Variants in ANK3 observed in about 807,000 individuals in gnomAD.
The protein encoded by ANK3 is ankyrin-3.
ANK3 carries 57 observed loss-of-function variants against 370.9 expected under a neutral mutation model. That is an observed-to-expected ratio of 0.15 (90% confidence interval 0.12 to 0.19). The LOEUF is 0.19. Ranked by LOEUF, ANK3 falls within the 10% of genes least tolerant of loss-of-function variation. ANK3 has a pLI of 1.00. For missense variants in ANK3, 4,439 were observed against 5,302.1 expected, an observed-to-expected ratio of 0.84 and a Z score of 5.06; for synonymous variants, 1,929 against 1,946.3, an observed-to-expected ratio of 0.99 and a Z score of 0.23.
intron 1 of ANK3, among the ~76,000 whole-genome samples, chr10:60,376,438 A>T (rs879270661): frequency 1.3e-5 from 2 of 151,300 alleles, no homozygotes; most frequent in Non-Finnish European, 3.0e-5. Flanking sequence ...TCAGATGCCA[A>T]ATGGATGGCT....
chr10:60,673,649 G>C (rs2079089500), intron 1 of ANK3, among the ~76,000 whole-genome samples: 1 of 152,186 alleles, frequency 6.6e-6, no homozygotes, highest in African/African-American at 2.4e-5. Flanking sequence ...ACCACGCCCA[G>C]CCATCAGACA....
At chr10:60,143,484 C>A (rs2094662766) in intron 23 of ANK3, among the ~76,000 whole-genome samples, 1 of 152,160 alleles carries the variant, frequency 6.6e-6, no homozygotes, top group South Asian at 2.1e-4. Context: ...CATTTTATAT[C>A]AGATATATTT....
chr10:60,514,147 C>T (rs1373346028), intron 2 of ANK3, among the ~76,000 whole-genome samples: 1 of 152,058 alleles, frequency 6.6e-6, no homozygotes, highest in Non-Finnish European at 1.5e-5. Flanking sequence ...AAAACATATG[C>T]AAAATATGTG....
intron 1 of ANK3, among the ~76,000 whole-genome samples, chr10:60,284,696 G>A (rs2098218725): frequency 6.6e-6 from 1 of 151,912 alleles, no homozygotes; most frequent in Non-Finnish European, 1.5e-5. Flanking sequence ...TTTATTATGA[G>A]ACTCAAGATC....
At chr10:60,487,776 G>A (rs1288569368) in intron 2 of ANK3, among the ~76,000 whole-genome samples, 14 of 150,144 alleles carry the variant, frequency 9.3e-5, no homozygotes, top group South Asian at 6.3e-4. Flanking sequence ...GTGCCATAGC[G>A]CGATCTCGGC....
At chr10:60,678,555 C>A (rs887889152) in intron 1 of ANK3, among the ~76,000 whole-genome samples, 3 of 151,976 alleles carry the variant, frequency 2.0e-5, no homozygotes, top group African/African-American at 7.3e-5. Flanking sequence ...TTATAAAATG[C>A]TTCAAAAATT....
At chr10:60,496,663 G>A (rs1425475777) in intron 2 of ANK3, among the ~76,000 whole-genome samples, 1 of 142,446 alleles carries the variant, frequency 7.0e-6, no homozygotes, top group Non-Finnish European at 1.5e-5. Flanking sequence ...TAAAGGCAAA[G>A]TACTTTCTGT....
intron 2 of ANK3, among the ~76,000 whole-genome samples, chr10:60,435,787 C>T (rs2064139902): frequency 6.6e-6 from 1 of 152,190 alleles, no homozygotes; most frequent in South Asian, 2.1e-4. Context: ...TGTCTGGATT[C>T]TTTCATTTGT....
At chr10:60,494,282 A>G (rs1200600833) in intron 2 of ANK3, among the ~76,000 whole-genome samples, 2 of 152,352 alleles carry the variant, frequency 1.3e-5, no homozygotes, top group South Asian at 2.1e-4. Context: ...AAAAATCATT[A>G]GAATGGAAAT....
chr10:60,076,010 G>C lies in ANK3; in HGVS notation c.4871C>G (p.Thr1624Ser), dbSNP rs199792393. 6.2e-7 allele frequency: 1 copy of C among 1,614,218 alleles called. No homozygotes were observed. Among genetic ancestry groups the C allele is most frequent in the Non-Finnish European group, 8.5e-7 (1 of 1,180,016 alleles). The part of the protein sequence containing the change: ...LASNSTFSSR[T>S]SPVTTAGSLL... ...AGACCCTGCTGTAGTCACTGGAGAG[G>C]TTCGAGAGGAAAACGTAGAATTGGA... The change falls in exon 37 of 44, where the codon ACC (threonine) becomes AGC (serine). Residue 1624 changes from threonine to serine, a missense_variant. By Grantham distance (58) the Thr-to-Ser change is moderately conservative. This residue lies in a region of ANK3 where 679 missense variants were observed against 791.0 expected (regional missense o/e 0.86). Transcript: ENST00000280772.
At chr10:60,363,420 C>T (rs2058929417) in intron 1 of ANK3, among the ~76,000 whole-genome samples, 2 of 152,182 alleles carry the variant, frequency 1.3e-5, no homozygotes, top group African/African-American at 4.8e-5. Flanking sequence ...ATATATCACT[C>T]CTCCAACCAC....
intron 23 of ANK3, among the ~76,000 whole-genome samples, chr10:60,141,588 C>CTTTTTTTTTTTT (rs1266607487): frequency 1.1e-3 from 27 of 24,864 alleles, no homozygotes; most frequent in African/African-American, 4.9e-3. Context: ...TTTTTTTTTG[C>CTTTTTTTTTTTT]TTCCCTCCAG....
intron 1 of ANK3, among the ~76,000 whole-genome samples, chr10:60,656,982 C>A (rs751645052): frequency 6.6e-6 from 1 of 152,042 alleles, no homozygotes; most frequent in African/African-American, 2.4e-5. Flanking sequence ...CGTTTTCATG[C>A]TACTGATAAA....
chr10:60,522,671 T>C (rs1271071726), intron 2 of ANK3, among the ~76,000 whole-genome samples: 1 of 152,072 alleles, frequency 6.6e-6, no homozygotes, highest in African/African-American at 2.4e-5. Context: ...TGAATTCCTA[T>C]CCTCTCCTAA....
intron 8 of ANK3, among the ~76,000 whole-genome samples, chr10:60,226,095 T>C (rs2097135110): frequency 7.1e-6 from 1 of 140,550 alleles, no homozygotes; most frequent in South Asian, 2.1e-4. Flanking sequence ...ATAGTATATA[T>C]CTAAATAGTA....
Position 60,073,019 on chromosome 10 carries a change from TA to T in ANK3, c.7861del (p.Tyr2621IlefsTer16). 6.2e-7 allele frequency: 1 copy of T among 1,614,168 alleles called. No homozygotes were observed. The highest frequency in any genetic ancestry group is 8.5e-7 in the Non-Finnish European group (1 of 1,180,006). ...GCTACTGGTAGGGCTTTGAGAAGAATATTCTTTGCCATTTTTAGGGCGTGCC... is the reference window on the plus strand; with the variant it reads ...GCTACTGGTAGGGCTTTGAGAAGAATTTCTTTGCCATTTTTAGGGCGTGCC... ...KKARPKNGKE[Y>X]SSQSPTSSSP... On this transcript the variant is annotated frameshift_variant, in exon 37 of 44. Transcript: ENST00000280772. LOFTEE classifies it high-confidence loss of function.
intron 9 of ANK3, among the ~76,000 whole-genome samples, chr10:60,212,271 G>C (rs2096869528): frequency 6.6e-6 from 1 of 152,106 alleles, no homozygotes; most frequent in Non-Finnish European, 1.5e-5. Context: ...TTAAGCAGGA[G>C]GCTGACATGA....
chr10:60,117,113 G>A (rs902284897), intron 25 of ANK3, among the ~76,000 whole-genome samples: 2 of 152,112 alleles, frequency 1.3e-5, no homozygotes, highest in African/African-American at 2.4e-5. Context: ...TTAAAAACAA[G>A]TATAAACTAG....
chr10:60,279,778 A>C, intron 1 of ANK3, 139 bp from the exon 2 acceptor site: 1 of 701,488 alleles, frequency 1.4e-6, no homozygotes, highest in Non-Finnish European at 2.3e-6. Context: ...GTTCTTTGTA[A>C]AAAGAACCAA....
Sources: allele counts gnomAD v4.1 joint callset (sites outside exome capture counted in the v4.1 genomes callset), GRCh38; gene constraint gnomAD v4.1.1; regional missense constraint gnomAD v4.1.1; transcripts MANE v1.5; gene names NCBI Gene and HGNC (gene_info 2026-07-23, HGNC 2026-07-21).